FARSB: variants seen among roughly 807,000 people sequenced by gnomAD.
FARSB encodes the protein phenylalanyl-tRNA synthetase subunit beta, also known as phenylalanine--tRNA ligase beta subunit.
FARSB carries 40 observed loss-of-function variants against 69.6 expected under a neutral mutation model. The ratio of observed to expected loss-of-function variants is 0.57; its 90% confidence interval spans 0.45 to 0.75. The LOEUF (loss-of-function observed/expected upper bound fraction) is 0.75. Among genes scored for constraint, FARSB ranks in the 30% least tolerant of loss-of-function variants. The pLI, the probability that FARSB is intolerant of heterozygous loss-of-function variation, is 0.00. For missense variants in FARSB, 632 were observed against 722.9 expected (o/e 0.87, Z 1.44); for synonymous variants, 235 against 247.2 (o/e 0.95, Z 0.46).
chr2:222,639,363 A>C (rs1691658562), intron 5 of FARSB, among the ~76,000 whole-genome samples: 1 of 152,188 alleles, frequency 6.6e-6, no homozygotes, highest in Admixed American at 6.5e-5. Context: ...AAGCAGTAAA[A>C]GGTATCTGGT....
chr2:222,596,056 T>C (rs1232714109), intron 16 of FARSB, among the ~76,000 whole-genome samples: 1 of 152,102 alleles, frequency 6.6e-6, no homozygotes, highest in African/African-American at 2.4e-5. Flanking sequence ...CCACTCAACA[T>C]TGATCTTATT....
At chr2:222,635,704 T>G (rs991604751) in intron 5 of FARSB, among the ~76,000 whole-genome samples, 1 of 152,144 alleles carries the variant, frequency 6.6e-6, no homozygotes, top group Non-Finnish European at 1.5e-5. Flanking sequence ...TAACTCCAGA[T>G]GAATCAAAGA....
At chr2:222,626,131 C>G (rs1312567434) in intron 10 of FARSB, among the ~76,000 whole-genome samples, 2 of 151,672 alleles carry the variant, frequency 1.3e-5, no homozygotes, top group African/African-American at 2.4e-5. Context: ...AGCCTGTAAT[C>G]CCAGCTACTC....
intron 13 of FARSB, among the ~76,000 whole-genome samples, chr2:222,622,924 G>A (rs13406879): frequency 0.3 from 45,519 of 152,130 alleles, 7,554 homozygotes; most frequent in Non-Finnish European, 0.38. Flanking sequence ...CAAACTAGAA[G>A]TAGAGTCCCT....
rs1690707193 is a variant in FARSB, at chr2:222,606,509, G to A, written c.1463-6426C>T. ...TCAAACAATTCTGCTTTTTAAATGGGCCTGGCAAGTATGTCAGCCTAAATT... is the reference window on the plus strand; with the variant it reads ...TCAAACAATTCTGCTTTTTAAATGGACCTGGCAAGTATGTCAGCCTAAATT... On this transcript the variant is annotated intron_variant, in intron 15 of 16. Coordinates refer to ENST00000281828, the MANE Select transcript of FARSB (RefSeq NM_005687.5). Among the ~76,000 whole-genome samples the A allele has an allele frequency of 2.0e-5, 3 of 152,274 alleles. No individual in the cohort carries two copies. In the South Asian group the frequency reaches 6.2e-4, roughly 32 times the overall value.
intron 16 of FARSB, among the ~76,000 whole-genome samples, chr2:222,576,174 C>T (rs971929642): frequency 3.9e-5 from 6 of 152,044 alleles, no homozygotes; most frequent in East Asian, 1.9e-4. Flanking sequence ...TGATCTTCAT[C>T]CCCCTGCCAC....
intron 13 of FARSB, among the ~76,000 whole-genome samples, chr2:222,621,837 C>T (rs538009269): frequency 6.6e-6 from 1 of 152,318 alleles, no homozygotes; most frequent in Admixed American, 6.5e-5. Context: ...TTAGGCTTGC[C>T]TATAAACATC....
At chr2:222,655,823 A>G (rs1431115680) in intron 1 of FARSB, among the ~76,000 whole-genome samples, 193 bp downstream of exon 1, 1 of 152,360 alleles carries the variant, frequency 6.6e-6, no homozygotes, top group East Asian at 1.9e-4. Flanking sequence ...AAGCAGTGGC[A>G]CCGCTGCGAT....
chr2:222,587,917 T>C (rs1293889861), intron 16 of FARSB, among the ~76,000 whole-genome samples: 1 of 152,128 alleles, frequency 6.6e-6, no homozygotes, highest in East Asian at 1.9e-4. Context: ...ACAGCCAAAT[T>C]CTATCAGAGG....
At chr2:222,601,188 A>T (rs1690548145) in intron 15 of FARSB, among the ~76,000 whole-genome samples, 1 of 152,150 alleles carries the variant, frequency 6.6e-6, no homozygotes. Flanking sequence ...AGTTCTAGAG[A>T]CCCACAACAA....
At position 222,571,862 on chromosome 2, in the gene FARSB, GACC is replaced by G; in HGVS notation, c.*6_*8del. On this transcript the variant is annotated 3_prime_UTR_variant, in exon 17 of 17. Coordinates refer to ENST00000281828, the MANE Select transcript of FARSB (RefSeq NM_005687.5). ...CCTGGGAAGAGAATCACACCACAGA[GACC>G]AATCTTCACAAAAAGGGTCCAACAT... 6.2e-7 allele frequency: 1 copy of G among 1,610,612 alleles called. No homozygotes were observed.
intron 16 of FARSB, among the ~76,000 whole-genome samples, chr2:222,587,619 T>C (rs1421551794): frequency 6.6e-6 from 1 of 151,578 alleles, no homozygotes; most frequent in African/African-American, 2.4e-5. Flanking sequence ...AGCAGACTAA[T>C]AAAGAAGAAA....
intron 16 of FARSB, among the ~76,000 whole-genome samples, chr2:222,583,343 T>C (rs769399658): frequency 8.5e-5 from 13 of 152,224 alleles, no homozygotes; most frequent in East Asian, 1.9e-4. Flanking sequence ...ACAGTACAGA[T>C]GACTGGTAGC....
chr2:222,620,855 T>C (rs1691117194), intron 13 of FARSB, among the ~76,000 whole-genome samples: 1 of 152,216 alleles, frequency 6.6e-6, no homozygotes, highest in South Asian at 2.1e-4. Context: ...ACACATCAAC[T>C]GAAATGGTAA....
At chr2:222,653,555 G>C (rs1692091119) in intron 1 of FARSB, among the ~76,000 whole-genome samples, 3 of 151,852 alleles carry the variant, frequency 2.0e-5, no homozygotes, top group Admixed American at 2.0e-4. Flanking sequence ...CACAATAAAG[G>C]TAAACTAATG....
At chr2:222,628,974 T>C in intron 9 of FARSB, 86 bp from the exon 10 acceptor site, 2 of 943,348 alleles carry the variant, frequency 2.1e-6, no homozygotes, top group Non-Finnish European at 1.7e-6. Flanking sequence ...AATCTTTCAT[T>C]TGGGCTACAA....
At position 222,645,988 on chromosome 2, in the gene FARSB, T is replaced by C. The variant is rs531887507; in HGVS notation, c.114+2752A>G. ...TATAAAAATAAGGCCAAAGTTCTCC[T>C]GTAAAATCATCATTAAAAGTACAGA... On this transcript the variant is annotated intron_variant, in intron 2 of 16. Transcript: ENST00000281828. Among the ~76,000 whole-genome samples the C allele has an allele frequency of 1.3e-3, 191 of 152,292 alleles. 1 individual carries two copies. Among genetic ancestry groups the C allele is most frequent in the Non-Finnish European group, 7.3e-4 (50 of 68,032 alleles).
At chr2:222,625,917 G>A (rs1235668659) in intron 10 of FARSB, among the ~76,000 whole-genome samples, 5 of 152,126 alleles carry the variant, frequency 3.3e-5, no homozygotes, top group African/African-American at 1.2e-4. Context: ...ATAAGCGTTT[G>A]GTATATGTAT....
chr2:222,602,821 C>A (rs946121317), intron 15 of FARSB, among the ~76,000 whole-genome samples: 2 of 151,936 alleles, frequency 1.3e-5, no homozygotes, highest in Non-Finnish European at 2.9e-5. Context: ...CTCTCATTAG[C>A]ACTTTAACAT....
Sources: allele counts gnomAD v4.1 joint callset (sites outside exome capture counted in the v4.1 genomes callset), GRCh38; gene constraint gnomAD v4.1.1; transcripts MANE v1.5; gene names NCBI Gene and HGNC (gene_info 2026-07-23, HGNC 2026-07-21).